The following PGS1 variants were observed in gnomAD, a reference collection of about 807,000 sequenced individuals.
PGS1 encodes CDP-diacylglycerol--glycerol-3-phosphate 3-phosphatidyltransferase, mitochondrial.
Under a neutral mutation model 58.3 loss-of-function variants are expected in PGS1, and 44 were observed. The observed-to-expected ratio is 0.75, with a 90% CI of 0.59 to 0.97. The LOEUF (loss-of-function observed/expected upper bound fraction) is 0.97, where lower values mean the gene tolerates loss of function less well. Among genes scored for constraint, PGS1 ranks in the 50% least tolerant of loss-of-function variants. PGS1 has a pLI of 0.00. For synonymous variants in PGS1, 330 were observed against 311.0 expected (o/e 1.06, Z -0.64); for missense variants, 684 against 731.1 (o/e 0.94, Z 0.74).
intron 8 of PGS1, 116 bp from the exon 9 acceptor site, chr17:78,419,430 A>G (rs2085490764): frequency 3.5e-6 from 3 of 859,460 alleles, no homozygotes; most frequent in Non-Finnish European, 5.8e-6. Context: ...GGCCAGGTAG[A>G]CATGGGAAGT....
In PGS1 at chr17:78,398,320, C is replaced by T. The variant is rs1358143449; in HGVS notation, c.480C>T (p.Ser160=). The stretch of plus-strand genomic sequence containing the variant: ...AGTTTCCTTCAAATCTCAAGGTCTC[C>T]ATTCTCTTAGACTTCACGCGGGGCT... ...QAKFPSNLKV[S]ILLDFTRGSR... is the part of the protein sequence containing the mutation. The change falls in exon 4 of 10, where the codon TCC becomes TCT. Residue 160 remains serine, a synonymous_variant. Coordinates refer to ENST00000262764, the MANE Select transcript of PGS1 (RefSeq NM_024419.5). The T allele has an allele frequency of 1.2e-6, 2 of 1,613,930 alleles. No homozygotes were observed. Among genetic ancestry groups the T allele is most frequent in the Non-Finnish European group, 1.7e-6 (2 of 1,179,920 alleles).
Position 78,399,389 on chromosome 17 carries a change from A to C in PGS1, c.553A>C (p.Arg185=). Residue 185 remains arginine (R), a synonymous_variant, in exon 5 of 10, where the codon AGG becomes CGG. Coordinates refer to ENST00000262764, the MANE Select transcript of PGS1 (RefSeq NM_024419.5). ...CACAATGCTGCTCCCACTCCTGCGG[A>C]GGTTCCCAGAGCAGGTCCGAGTCTC... ...SRTMLLPLLR[R]FPEQVRVSLF... 1.2e-6 allele frequency: 2 copies of C among 1,614,086 alleles called. No homozygotes were observed. Among genetic ancestry groups the C allele is most frequent in the African/African-American group, 2.7e-5 (2 of 75,028 alleles).
chr17:78,404,062 C>G lies in PGS1; in HGVS notation c.1375C>G (p.Arg459Gly), dbSNP rs758500915. The G allele has an allele frequency of 1.8e-5, 29 of 1,595,718 alleles. No individual in the cohort carries two copies. The highest frequency in any genetic ancestry group is 2.4e-5 in the Non-Finnish European group (28 of 1,170,142). ...QERVQLQEYW[R>G]RGWTFHAKGL... ...GCGGGTCCAGCTTCAGGAGTACTGG[C>G]GGAGGGGCTGGACGTTCCACGCCAA... The change falls in exon 7 of 10, where the codon CGG becomes GGG. Residue 459 changes from arginine to glycine, a missense_variant. Arg to Gly is a moderately radical substitution (Grantham distance 125). Coordinates refer to ENST00000262764, the MANE Select transcript of PGS1 (RefSeq NM_024419.5).
intron 5 of PGS1, chr17:78,399,858 CACTT>C: frequency 2.9e-6 from 1 of 341,840 alleles, no homozygotes; most frequent in South Asian, 3.7e-5. Flanking sequence ...GAGGATGAGT[CACTT>C]TGTCAGGTAG....
Position 78,398,798 on chromosome 17 carries a change from C to T in PGS1, c.511+447C>T, listed in dbSNP as rs566701732. On this transcript the variant is annotated intron_variant, in intron 4 of 9. Coordinates refer to ENST00000262764, the MANE Select transcript of PGS1 (RefSeq NM_024419.5). ...CCCCTAGCTGTTTCCTTTGGGCTGG[C>T]TTCCTTCTCAGGCTCTGTGTGGTGG... Among the ~76,000 whole-genome samples, 3 of 152,368 alleles carry T rather than the reference C, an allele frequency of 2.0e-5. No individual in the cohort carries two copies. In the East Asian group the frequency reaches 5.8e-4, roughly 29 times the overall value.
intron 3 of PGS1, 54 bp downstream of exon 3, chr17:78,396,439 G>A: frequency 7.8e-7 from 1 of 1,281,668 alleles, no homozygotes; most frequent in Admixed American, 2.1e-5. Flanking sequence ...GCCCCAACAT[G>A]CCACAGCTTT....
At chr17:78,397,657 ACTC>A (rs1219910522) in intron 3 of PGS1, among the ~76,000 whole-genome samples, 1 of 134,220 alleles carries the variant, frequency 7.5e-6, no homozygotes, top group Non-Finnish European at 1.7e-5. Context: ...CTGGTCTTAA[ACTC>A]CTGACCTTGG....
At chr17:78,384,075 G>A (rs1334637157) in intron 1 of PGS1, among the ~76,000 whole-genome samples, 1 of 152,214 alleles carries the variant, frequency 6.6e-6, no homozygotes, top group Non-Finnish European at 1.5e-5. Flanking sequence ...TGGTGCATTT[G>A]GCCACCCAGG....
At chr17:78,392,957 C>CT (rs989383266) in intron 2 of PGS1, among the ~76,000 whole-genome samples, 7 of 152,088 alleles carry the variant, frequency 4.6e-5, no homozygotes, top group Non-Finnish European at 8.8e-5. Context: ...GGGGGTCTCA[C>CT]TATGTTACCC....
Position 78,424,176 on chromosome 17 carries a change from G to T in PGS1, c.*126G>T. On this transcript the variant is annotated 3_prime_UTR_variant, in exon 10 of 10. Coordinates refer to ENST00000262764, the MANE Select transcript of PGS1 (RefSeq NM_024419.5). The stretch of plus-strand genomic sequence containing the variant: ...CCCCTGCAGGGACAGTATGGCTGAG[G>T]GTCAGGTGTGCTGCCAGTAAGTGAG... 6.3e-7 allele frequency: 1 copy of T among 1,591,702 alleles called. No individual in the cohort carries two copies. The highest frequency in any genetic ancestry group is 1.1e-5 in the South Asian group (1 of 89,124).
In PGS1 at chr17:78,400,589, G is replaced by A; in HGVS notation, c.702-88G>A. ...CTTGACCTGAGTTTGTCACCCCCCT[G>A]CTAGTTCACCTGAGACCTGGGTCAC... On this transcript the variant is annotated intron_variant, in intron 5 of 9. Transcript: ENST00000262764. This position sits in a 1 kb window ranked among gnomAD's most constrained non-coding sequence, Gnocchi z 4.4. 1 of 1,086,212 alleles carries A rather than the reference G, an allele frequency of 9.2e-7. No individual in the cohort carries two copies. The highest frequency in any genetic ancestry group is 1.4e-6 in the Non-Finnish European group (1 of 719,286). The allele number at this position is 1,086,212 out of a possible 1,614,324, so 67.3% of individuals were successfully genotyped here.
chr17:78,384,614 C>A (rs1201048320), intron 1 of PGS1, among the ~76,000 whole-genome samples: 3 of 152,138 alleles, frequency 2.0e-5, no homozygotes, highest in Non-Finnish European at 4.4e-5. Flanking sequence ...AAGAAGGGCC[C>A]CTGGACCTTC....
At position 78,403,776 on chromosome 17, in the gene PGS1, A is replaced by C; in HGVS notation, c.1089A>C (p.Gln363His). The change falls in exon 7 of 10, where the codon CAA (glutamine) becomes CAC (histidine). Residue 363 changes from glutamine to histidine, a missense_variant. Coordinates refer to ENST00000262764, the MANE Select transcript of PGS1 (RefSeq NM_024419.5). ...TTCAGATGAAGCCCTTCGAGATTCAAATCGATGAGATTGTCACTGAGACCC... is the reference window on the plus strand; with the variant it reads ...TTCAGATGAAGCCCTTCGAGATTCACATCGATGAGATTGTCACTGAGACCC... ...PLIQMKPFEI[Q>H]IDEIVTETLL... The C allele has an allele frequency of 6.2e-7, 1 of 1,614,226 alleles. No individual in the cohort carries two copies. The highest frequency in any genetic ancestry group is 2.2e-5 in the East Asian group (1 of 44,888).
At chr17:78,378,884 C>A in intron 1 of PGS1, 76 bp downstream of exon 1, 2 of 1,330,540 alleles carry the variant, frequency 1.5e-6, no homozygotes, top group East Asian at 6.2e-5. Flanking sequence ...ACTCCCGGCC[C>A]CAGCGTCCTG....
At position 78,419,260 on chromosome 17, in the gene PGS1, C is replaced by G. The variant is rs143954534; in HGVS notation, c.1552-286C>G. On this transcript the variant is annotated intron_variant, in intron 8 of 9. Coordinates refer to ENST00000262764, the MANE Select transcript of PGS1 (RefSeq NM_024419.5). ...TCCTGAGCTCAAGCGATCCTCCTGT[C>G]TCAGCCTCCAAAAGTGTTGGGATTA... Among the ~76,000 whole-genome samples, 367 of 152,344 alleles carry G rather than the reference C, an allele frequency of 2.4e-3. 3 individuals carry two copies. Among genetic ancestry groups the G allele is most frequent in the African/African-American group, 8.6e-3 (356 of 41,586 alleles).
intron 7 of PGS1, among the ~76,000 whole-genome samples, chr17:78,404,375 G>A (rs866107520): frequency 1.3e-5 from 2 of 149,266 alleles, no homozygotes; most frequent in Non-Finnish European, 3.0e-5. Context: ...TCCACTTCCC[G>A]GTTCAAGCAG....
chr17:78,394,437 A>G (rs1298576530), intron 2 of PGS1, among the ~76,000 whole-genome samples: 1 of 151,712 alleles, frequency 6.6e-6, no homozygotes, highest in African/African-American at 2.4e-5. Flanking sequence ...CTCCCCTCTC[A>G]CCTGCCTCCC....
intron 9 of PGS1, chr17:78,421,372 C>G (rs574102906): frequency 3.8e-5 from 5 of 132,302 alleles, no homozygotes; most frequent in Non-Finnish European, 4.9e-5. Flanking sequence ...CAGCTTCTCG[C>G]CTTTCCCTCC....
At chr17:78,387,245 C>G (rs1184826157) in intron 1 of PGS1, among the ~76,000 whole-genome samples, 1 of 151,552 alleles carries the variant, frequency 6.6e-6, no homozygotes, top group African/African-American at 2.4e-5. Context: ...CTCAGGTGAT[C>G]TGACTGTGCA....
Sources: gnomAD v4.1 joint callset for allele counts (sites outside exome capture counted in the v4.1 genomes callset) on GRCh38, gnomAD v4.1.1 for gene constraint, Gnocchi (gnomAD v3.1) non-coding constraint, MANE v1.5 for transcripts, NCBI Gene and HGNC (gene_info 2026-07-23, HGNC 2026-07-21) for gene names.